FIRRM: variants seen among roughly 807,000 people sequenced by gnomAD.
FIRRM encodes FIGNL1-interacting regulator of recombination and mitosis.
the FIRRM span, chr1:169,832,345 A>G: frequency 9.9e-7 from 1 of 1,006,638 alleles, no homozygotes; most frequent in Non-Finnish European, 1.6e-6. Context: ...ATATTTTGGC[A>G]TATTCTCTTC....
At chr1:169,800,633 T>C in the FIRRM span, among the ~76,000 whole-genome samples, 7 of 152,090 alleles carry the variant, frequency 4.6e-5, no homozygotes, top group African/African-American at 1.4e-4. Flanking sequence ...ATTTTAATGA[T>C]GGCAGATCCT....
the FIRRM span, among the ~76,000 whole-genome samples, chr1:169,805,151 T>G: frequency 6.6e-6 from 1 of 152,260 alleles, no homozygotes; most frequent in South Asian, 2.1e-4. Flanking sequence ...ATCAGGCACC[T>G]GTTGCTCTGC....
chr1:169,793,168 CAGG>C, the FIRRM span: 11 of 1,614,154 alleles, frequency 6.8e-6, no homozygotes, highest in South Asian at 2.2e-5. Flanking sequence ...TGAAATAAGC[CAGG>C]AGGTCAAAGG....
the FIRRM span, among the ~76,000 whole-genome samples, chr1:169,840,067 G>A: frequency 6.6e-6 from 1 of 152,048 alleles, no homozygotes; most frequent in Non-Finnish European, 1.5e-5. Context: ...GTTCTCTATT[G>A]TGTTTCATTG....
At chr1:169,785,459 G>A in the FIRRM span, among the ~76,000 whole-genome samples, 1 of 152,208 alleles carries the variant, frequency 6.6e-6, no homozygotes, top group African/African-American at 2.4e-5. Context: ...GAGTTTTATG[G>A]AGTGGTGGAG....
the FIRRM span, among the ~76,000 whole-genome samples, chr1:169,840,876 C>T: frequency 6.6e-6 from 1 of 152,114 alleles, no homozygotes; most frequent in African/African-American, 2.4e-5. Flanking sequence ...GATTTTTGTA[C>T]ATTGATTTTG....
chr1:169,785,572 G>A, the FIRRM span, among the ~76,000 whole-genome samples: 18 of 152,208 alleles, frequency 1.2e-4, no homozygotes, highest in South Asian at 6.2e-4. Context: ...CTCTCCAGTC[G>A]TCCCCAGCCT....
the FIRRM span, among the ~76,000 whole-genome samples, chr1:169,843,239 T>C: frequency 6.6e-6 from 1 of 152,382 alleles, no homozygotes; most frequent in East Asian, 1.9e-4. Flanking sequence ...CTTTTCCTGA[T>C]GTTCACAAAT....
chr1:169,796,552 T>C, the FIRRM span, among the ~76,000 whole-genome samples: 1 of 152,240 alleles, frequency 6.6e-6, no homozygotes, highest in African/African-American at 2.4e-5. Context: ...TTCCAAACTA[T>C]GTCTTGAATC....
the FIRRM span, among the ~76,000 whole-genome samples, chr1:169,808,240 G>C: frequency 6.6e-6 from 1 of 151,906 alleles, no homozygotes; most frequent in Non-Finnish European, 1.5e-5. Context: ...AAATTCTTTT[G>C]TTCATATTTG....
chr1:169,784,433 T>A, the FIRRM span, among the ~76,000 whole-genome samples: 1 of 152,044 alleles, frequency 6.6e-6, no homozygotes, highest in Non-Finnish European at 1.5e-5. Context: ...GGCTCTACCA[T>A]TTTTTTTCCC....
the FIRRM span, chr1:169,853,340 CTTATG>C: frequency 3.1e-6 from 1 of 321,146 alleles, no homozygotes; most frequent in South Asian, 6.0e-5. Context: ...AGAGCTTACT[CTTATG>C]TTAAAGAATG....
the FIRRM span, among the ~76,000 whole-genome samples, chr1:169,787,884 ATGT>A: frequency 8.1e-6 from 1 of 123,884 alleles, no homozygotes; most frequent in African/African-American, 3.1e-5. Context: ...GTTTTTTTTC[ATGT>A]TGATCACTTT....
At chr1:169,843,568 A>G in the FIRRM span, 2 of 679,482 alleles carry the variant, frequency 2.9e-6, no homozygotes, top group Non-Finnish European at 2.6e-6. Context: ...TAAATATAAA[A>G]TACTTAACAT....
chr1:169,795,381 A>G, the FIRRM span: 2 of 1,410,422 alleles, frequency 1.4e-6, no homozygotes, highest in East Asian at 2.6e-5. Context: ...ACTGGAGGGG[A>G]AGCGACAACC....
chr1:169,804,018 A>G, the FIRRM span: 1 of 1,197,142 alleles, frequency 8.4e-7, no homozygotes, highest in Non-Finnish European at 1.1e-6. Flanking sequence ...ATTAAAGTAA[A>G]TTTGGCTCTT....
chr1:169,835,466 T>C, the FIRRM span, among the ~76,000 whole-genome samples: 2 of 152,212 alleles, frequency 1.3e-5, no homozygotes, highest in African/African-American at 4.8e-5. Context: ...CTGATAATTG[T>C]ACTACCTTTT....
the FIRRM span, among the ~76,000 whole-genome samples, chr1:169,811,412 G>T: frequency 2.6e-5 from 4 of 152,102 alleles, no homozygotes; most frequent in Non-Finnish European, 5.9e-5. Flanking sequence ...CAGCACTTTT[G>T]AGAGGCCAAG....
the FIRRM span, chr1:169,851,045 CTTTTTTTTTTTTT>C: frequency 5.8e-5 from 1 of 17,306 alleles, no homozygotes. Context: ...GCTCAGGGCC[CTTTTTTTTTTTTT>C]TTTTTTTTTT....
Sources: gnomAD v4.1 joint callset for allele counts (sites outside exome capture counted in the v4.1 genomes callset) on GRCh38, gnomAD v4.1.1 for gene constraint, MANE v1.5 for transcripts, NCBI Gene and HGNC (gene_info 2026-07-23, HGNC 2026-07-21) for gene names.